The following NCEH1 variants were observed in gnomAD, a reference collection of about 807,000 sequenced individuals.
NCEH1 encodes neutral cholesterol ester hydrolase 1.
NCEH1 carries 9 observed loss-of-function variants against 25.4 expected under a neutral mutation model. That is an observed-to-expected ratio of 0.35 (90% CI 0.21 to 0.62). NCEH1 has a LOEUF of 0.62. Ranked by LOEUF, NCEH1 falls within the 20% of genes least tolerant of loss-of-function variation. The pLI is 0.72. For missense variants in NCEH1, 412 were observed against 501.1 expected (o/e 0.82, Z 1.70); for synonymous variants, 200 against 199.8 (o/e 1.00, Z -0.01).
intron 1 of NCEH1, among the ~76,000 whole-genome samples, chr3:172,706,864 T>A (rs894317344): frequency 5.3e-5 from 8 of 152,184 alleles, no homozygotes; most frequent in African/African-American, 1.9e-4. Context: ...ACTTCACGTT[T>A]ATTATAAGTG....
intron 1 of NCEH1, among the ~76,000 whole-genome samples, chr3:172,704,242 T>G (rs1342686921): frequency 6.6e-6 from 1 of 152,126 alleles, no homozygotes; most frequent in African/African-American, 2.4e-5. Flanking sequence ...TTTGGCAAGA[T>G]AAAAATCCTT....
At chr3:172,666,220 C>T (rs910008573) in intron 1 of NCEH1, among the ~76,000 whole-genome samples, 1 of 152,160 alleles carries the variant, frequency 6.6e-6, no homozygotes, top group Non-Finnish European at 1.5e-5. Flanking sequence ...GCAACTCCTG[C>T]CTTCTTCTTC....
intron 1 of NCEH1, among the ~76,000 whole-genome samples, chr3:172,707,914 G>A (rs1714097968): frequency 6.6e-6 from 1 of 152,214 alleles, no homozygotes; most frequent in South Asian, 2.1e-4. Context: ...TGCTAAGAAC[G>A]TTCATCTCCC....
At chr3:172,692,387 G>A (rs1450950584) in intron 1 of NCEH1, among the ~76,000 whole-genome samples, 2 of 152,046 alleles carry the variant, frequency 1.3e-5, no homozygotes, top group Non-Finnish European at 2.9e-5. Flanking sequence ...GACAGGGTCT[G>A]GCTCTGTTGC....
chr3:172,692,539 T>C (rs1713127954), intron 1 of NCEH1, among the ~76,000 whole-genome samples: 1 of 143,820 alleles, frequency 7.0e-6, no homozygotes, highest in Admixed American at 6.9e-5. Context: ...TTTTTTTTAA[T>C]TTTTTTGTAG....
chr3:172,663,619 G>A (rs1319280513), intron 1 of NCEH1, among the ~76,000 whole-genome samples: 12 of 152,082 alleles, frequency 7.9e-5, no homozygotes, highest in African/African-American at 2.4e-4. Flanking sequence ...GGTCTCTAAG[G>A]ACTTGCTTTA....
intron 1 of NCEH1, among the ~76,000 whole-genome samples, chr3:172,665,274 T>G (rs1718154057): frequency 6.6e-6 from 1 of 152,202 alleles, no homozygotes; most frequent in Non-Finnish European, 1.5e-5. Flanking sequence ...CTTGTTTGCC[T>G]GGGTATCACC....
intron 1 of NCEH1, among the ~76,000 whole-genome samples, chr3:172,661,815 T>C (rs1717986726): frequency 6.6e-6 from 1 of 152,050 alleles, no homozygotes; most frequent in Admixed American, 6.5e-5. Context: ...TTTTTGCACA[T>C]TGATTTTGTA....
intron 1 of NCEH1, among the ~76,000 whole-genome samples, chr3:172,689,022 T>C (rs1173121601): frequency 6.6e-6 from 1 of 152,220 alleles, no homozygotes; most frequent in Non-Finnish European, 1.5e-5. Context: ...AACTTTTGTT[T>C]TGTTCTAAAC....
At chr3:172,679,670 G>A (rs1178144691) in intron 1 of NCEH1, among the ~76,000 whole-genome samples, 1 of 151,748 alleles carries the variant, frequency 6.6e-6, no homozygotes, top group African/African-American at 2.4e-5. Flanking sequence ...AACAACCCCT[G>A]AATCATCTCT....
rs234001 is a variant in NCEH1 at position 172,648,369 on chromosome 3, C to A, written c.139-255G>T. Among the ~76,000 whole-genome samples the A allele has an allele frequency of 7.0e-4, 106 of 152,200 alleles. 2 individuals carry two copies. Among genetic ancestry groups the A allele is most frequent in the Admixed American group, 1.1e-3 (17 of 15,294 alleles). On this transcript the variant is annotated intron_variant, in intron 1 of 4. Transcript: ENST00000475381. Reference sequence around the variant, plus strand: ...GGCTTAAACAATAACTATGCTTGTTCATTTCATTGGATAAGTGGTAGTTCT... The same window carrying A: ...GGCTTAAACAATAACTATGCTTGTTAATTTCATTGGATAAGTGGTAGTTCT...
chr3:172,665,496 C>A (rs11924332), intron 1 of NCEH1, among the ~76,000 whole-genome samples: 1 of 152,036 alleles, frequency 6.6e-6, no homozygotes, highest in Admixed American at 6.5e-5. Context: ...CATGCTGGGA[C>A]AACCACTACT....
intron 1 of NCEH1, among the ~76,000 whole-genome samples, chr3:172,699,671 C>A (rs1713574393): frequency 1.3e-5 from 2 of 152,116 alleles, no homozygotes; most frequent in South Asian, 4.1e-4. Flanking sequence ...TTAAGACCCA[C>A]CCTGGCAATA....
intron 1 of NCEH1, among the ~76,000 whole-genome samples, chr3:172,695,754 G>A (rs1381366099): frequency 6.6e-6 from 1 of 152,024 alleles, no homozygotes; most frequent in Non-Finnish European, 1.5e-5. Flanking sequence ...GACCAGCCTG[G>A]CCAAAATGGT....
chr3:172,647,054 G>A (rs920022250), intron 2 of NCEH1, among the ~76,000 whole-genome samples: 2 of 151,846 alleles, frequency 1.3e-5, no homozygotes, highest in Non-Finnish European at 2.9e-5. Flanking sequence ...AATAAACAAC[G>A]GATATGGAAT....
chr3:172,685,732 T>C (rs114549506), intron 1 of NCEH1, among the ~76,000 whole-genome samples: 1,567 of 152,336 alleles, frequency 0.01, 36 homozygotes, highest in African/African-American at 0.036. Flanking sequence ...TTCTGTTCCA[T>C]CTGTTCCCCT....
chr3:172,706,702 T>A (rs1303493989), intron 1 of NCEH1, among the ~76,000 whole-genome samples: 2 of 152,044 alleles, frequency 1.3e-5, no homozygotes, highest in East Asian at 1.9e-4. Flanking sequence ...GGTTTCACCA[T>A]GTTGGCCAGG....
Position 172,645,584 on chromosome 3 carries a change from T to C in NCEH1, c.437+39A>G, listed in dbSNP as rs771704887. On this transcript the variant is annotated intron_variant, in intron 3 of 4. Coordinates refer to ENST00000475381, the MANE Select transcript of NCEH1 (RefSeq NM_020792.6). ...ACCAGACTGTTATCTAGAATTCCTT[T>C]ATAAGAAAAATTTTCTATGACTAGC... 2.3e-6 allele frequency: 3 copies of C among 1,322,020 alleles called. No homozygotes were observed. The Admixed American group carries it at 5.8e-5, about 26-fold the overall frequency. 81.9% of individuals were successfully genotyped at this position (1,322,020 alleles called of 1,614,324 possible).
chr3:172,701,626 T>G (rs943550075), intron 1 of NCEH1, among the ~76,000 whole-genome samples: 2 of 147,734 alleles, frequency 1.4e-5, no homozygotes, highest in Admixed American at 1.3e-4. Flanking sequence ...GTTTTTTTTT[T>G]TTTTTTTTTT....
Sources: allele counts gnomAD v4.1 joint callset (sites outside exome capture counted in the v4.1 genomes callset), GRCh38; gene constraint gnomAD v4.1.1; transcripts MANE v1.5; gene names NCBI Gene and HGNC (gene_info 2026-07-23, HGNC 2026-07-21).